The following AGXT variants were observed in gnomAD, a reference collection of about 807,000 sequenced individuals.
The protein encoded by AGXT is alanine--glyoxylate aminotransferase, also known as L-alanine: glyoxylate aminotransferase 1.
In AGXT, 41 loss-of-function variants were observed where a neutral mutation model predicts 46.9. The ratio of observed to expected loss-of-function variants is 0.88; its 90% CI spans 0.68 to 1.14. The LOEUF is 1.14. AGXT is among the 50% of genes most tolerant of loss of function. The pLI is 0.00. For missense variants in AGXT, 525 were observed against 522.7 expected, an observed-to-expected ratio of 1.00 and a Z score of -0.04; for synonymous variants, 244 against 227.9, an observed-to-expected ratio of 1.07 and a Z score of -0.64.
chr2:240,873,298 G>A, intron 5 of AGXT: 1 of 532,422 alleles, frequency 1.9e-6, no homozygotes. Flanking sequence ...TTCTGGTGGG[G>A]GACATTTGAG....
Position 240,869,318 on chromosome 2 carries a change from A to G in AGXT, c.314A>G (p.Asn105Ser), listed in dbSNP as rs760578234. Reference protein sequence around the residue: ...EPGDSFLVGANGIWGQRAVDI... With the variant: ...EPGDSFLVGASGIWGQRAVDI... Reference sequence around the variant, plus strand: ...GGGGACTCCTTCCTGGTTGGGGCCAATGGCATTTGGGGGCAGCGAGCCGTG... The same window carrying G: ...GGGGACTCCTTCCTGGTTGGGGCCAGTGGCATTTGGGGGCAGCGAGCCGTG... The change falls in exon 2 of 11, where the codon AAT (asparagine) becomes AGT (serine). Residue 105 changes from asparagine (N) to serine (S), a missense_variant. By Grantham distance (46) the Asn-to-Ser change is conservative (BLOSUM62 1). Coordinates refer to ENST00000307503, the MANE Select transcript of AGXT (RefSeq NM_000030.3). 2.5e-6 allele frequency: 4 copies of G among 1,611,148 alleles called. No homozygotes were observed. Among genetic ancestry groups the G allele is most frequent in the South Asian group, 2.2e-5 (2 of 90,970 alleles).
At chr2:240,872,731 C>T (rs998174100) in intron 4 of AGXT, among the ~76,000 whole-genome samples, 3 of 152,066 alleles carry the variant, frequency 2.0e-5, no homozygotes, top group Non-Finnish European at 4.4e-5. Context: ...TCACCAGGGC[C>T]GTGATGCTCC....
intron 3 of AGXT, 48 bp downstream of exon 3, chr2:240,870,756 G>A: frequency 6.5e-7 from 1 of 1,529,922 alleles, no homozygotes; most frequent in Non-Finnish European, 8.9e-7. Context: ...GTGGGAGTGG[G>A]CATGCTGGCT....
intron 7 of AGXT, 137 bp from the exon 8 acceptor site, chr2:240,875,798 G>A: frequency 1.0e-6 from 1 of 967,658 alleles, no homozygotes; most frequent in Non-Finnish European, 1.6e-6. Flanking sequence ...TCTGAACCCG[G>A]ACAGGACTCC....
chr2:240,869,737 T>G (rs1387524798), intron 2 of AGXT, among the ~76,000 whole-genome samples: 1 of 152,196 alleles, frequency 6.6e-6, no homozygotes, highest in African/African-American at 2.4e-5. Flanking sequence ...TTTCAGAAGC[T>G]GAAGCCTCCC....
In AGXT at chr2:240,876,056, G is replaced by A. The variant is rs12695032; in HGVS notation, c.846+52G>A. Reference sequence around the variant, plus strand: ...AGACAGGGCCACTGGCTGGATTGTCGAGGGCGCGGCCTGCAGAGAAGGAAC... The same window carrying A: ...AGACAGGGCCACTGGCTGGATTGTCAAGGGCGCGGCCTGCAGAGAAGGAAC... On this transcript the variant is annotated intron_variant, in intron 8 of 10. Coordinates refer to ENST00000307503, the MANE Select transcript of AGXT (RefSeq NM_000030.3). 836,472 of 1,593,468 alleles carry A rather than the reference G, an allele frequency of 0.52. 229,072 individuals carry two copies. The highest frequency in any genetic ancestry group is 0.57 in the Non-Finnish European group (666,245 of 1,164,596).
At chr2:240,873,336 G>A (rs2059001935) in intron 5 of AGXT, 2 of 444,912 alleles carry the variant, frequency 4.5e-6, no homozygotes, top group Non-Finnish European at 8.2e-6. Context: ...CAGAAGCAGT[G>A]GGAAGAGGAA....
At chr2:240,871,895 C>T (rs2058992874) in intron 4 of AGXT, among the ~76,000 whole-genome samples, 2 of 152,260 alleles carry the variant, frequency 1.3e-5, no homozygotes, top group African/African-American at 4.8e-5. Flanking sequence ...GCGGACAGAG[C>T]CCCTTGGGAC....
intron 8 of AGXT, among the ~76,000 whole-genome samples, chr2:240,876,505 G>A (rs2059025473): frequency 6.6e-6 from 1 of 152,204 alleles, no homozygotes; most frequent in Non-Finnish European, 1.5e-5. Context: ...CAGGACACAG[G>A]CGGCTGAGAG....
At chr2:240,873,884 T>TA in intron 5 of AGXT, 94 bp from the exon 6 acceptor site, 2 of 1,132,162 alleles carry the variant, frequency 1.8e-6, no homozygotes, top group Non-Finnish European at 2.7e-6. Context: ...GGTAGGGTCG[T>TA]AGCCTACCAG....
rs1449840528 is a variant in AGXT, at chr2:240,877,548, C to T, written c.858C>T (p.Asn286=). 6.5e-7 allele frequency: 1 copy of T among 1,549,086 alleles called. No homozygotes were observed. Among genetic ancestry groups the T allele is most frequent in the Non-Finnish European group, 8.7e-7 (1 of 1,145,792 alleles). Residue 286 remains asparagine (N), a synonymous_variant, in exon 9 of 11, where the codon AAC becomes AAT. Coordinates refer to ENST00000307503, the MANE Select transcript of AGXT (RefSeq NM_000030.3). Reference sequence around the variant, plus strand: ...CATCTCCCACACAGGGCCTGGAGAACAGCTGGCGCCAGCACCGCGAGGCCG... The same window carrying T: ...CATCTCCCACACAGGGCCTGGAGAATAGCTGGCGCCAGCACCGCGAGGCCG... ...LALIAEQGLE[N]SWRQHREAAA...
chr2:240,873,125 C>A, intron 5 of AGXT, 76 bp downstream of exon 5: 1 of 1,313,756 alleles, frequency 7.6e-7, no homozygotes, highest in Admixed American at 1.7e-5. Context: ...CTGCTGGAAG[C>A]GTGCGTCCAG....
At position 240,878,711 on chromosome 2, in the gene AGXT, C is replaced by A. The variant is rs759926026; in HGVS notation, c.1072-3C>A. On this transcript the variant is annotated splice_region_variant and splice_polypyrimidine_tract_variant and intron_variant, in intron 10 of 10. Coordinates refer to ENST00000307503, the MANE Select transcript of AGXT (RefSeq NM_000030.3). ...TGACGTCAGCCCGCCCTGTGCCCCCCAGGTGCTGCGGATCGGCCTGCTGGG... is the reference window on the plus strand; with the variant it reads ...TGACGTCAGCCCGCCCTGTGCCCCCAAGGTGCTGCGGATCGGCCTGCTGGG... The A allele has an allele frequency of 9.7e-6, 15 of 1,552,032 alleles. No homozygotes were observed. The South Asian group carries it at 1.8e-4, about 18-fold the overall frequency.
intron 8 of AGXT, 65 bp downstream of exon 8, chr2:240,876,069 G>A (rs2059023365): frequency 6.5e-7 from 1 of 1,548,808 alleles, no homozygotes; most frequent in Non-Finnish European, 8.9e-7. Context: ...GGCGCGGCCT[G>A]CAGAGAAGGA....
rs1254697843 is a variant in AGXT at position 240,870,633 on chromosome 2, C to A, written c.359-11C>A. On this transcript the variant is annotated splice_polypyrimidine_tract_variant and intron_variant, in intron 2 of 10. Transcript: ENST00000307503. ...GCGGGACACTCACGGCCCACTCTGTCCTGCACCCAGGAGCCCGAGTGCACC... is the reference window on the plus strand; with the variant it reads ...GCGGGACACTCACGGCCCACTCTGTACTGCACCCAGGAGCCCGAGTGCACC... 2 of 1,551,086 alleles carry A rather than the reference C, an allele frequency of 1.3e-6. No individual in the cohort carries two copies. Among genetic ancestry groups the A allele is most frequent in the South Asian group, 1.2e-5 (1 of 84,092 alleles).
chr2:240,873,571 C>G, intron 5 of AGXT: 1 of 297,716 alleles, frequency 3.4e-6, no homozygotes, highest in Non-Finnish European at 6.3e-6. Flanking sequence ...ACTGCGGTGC[C>G]TGCCCACCCA....
At chr2:240,876,114 C>A in intron 8 of AGXT, 110 bp downstream of exon 8, 2 of 1,309,968 alleles carry the variant, frequency 1.5e-6, no homozygotes, top group Non-Finnish European at 2.2e-6. Context: ...GGGAGCCTGC[C>A]AGAGAGAGGC....
At position 240,868,890 on chromosome 2, in the gene AGXT, AC is replaced by A. The variant is rs180177201; in HGVS notation, c.33del (p.Lys12ArgfsTer34). MASHKLLV[T>X]PPKALLKPLS... is the part of the protein sequence containing the mutation. ...CATGGCCTCTCACAAGCTGCTGGTG[AC>A]CCCCCCCAAGGCCCTGCTCAAGCCC... is the stretch of plus-strand genomic sequence containing the variant. On this transcript the variant is annotated frameshift_variant, in exon 1 of 11. Transcript: ENST00000307503. LOFTEE classifies it high-confidence loss of function. The A allele has an allele frequency of 7.5e-6, 12 of 1,610,482 alleles. No individual in the cohort carries two copies. The highest frequency in any genetic ancestry group is 6.7e-5 in the East Asian group (3 of 44,766).
At position 240,878,750 on chromosome 2, in the gene AGXT, C is replaced by T. The variant is rs372138644; in HGVS notation, c.1108C>T (p.Arg370Cys). The change falls in exon 11 of 11, where the codon CGC (arginine) becomes TGC (cysteine). Residue 370 changes from arginine (R) to cysteine (C), a missense_variant. Physicochemically the swap from Arg to Cys is radical, Grantham distance 180. Coordinates refer to ENST00000307503, the MANE Select transcript of AGXT (RefSeq NM_000030.3). ...CGGCCTGCTGGGCTGCAATGCCACC[C>T]GCGAGAATGTGGACCGCGTGACGGA... ...RIGLLGCNAT[R>C]ENVDRVTEAL... 1.6e-5 allele frequency: 25 copies of T among 1,584,316 alleles called. No homozygotes were observed. The highest frequency in any genetic ancestry group is 2.7e-5 in the African/African-American group (2 of 74,686).
Sources: gnomAD v4.1 joint callset for allele counts (sites outside exome capture counted in the v4.1 genomes callset) on GRCh38, gnomAD v4.1.1 for gene constraint, MANE v1.5 for transcripts, NCBI Gene and HGNC (gene_info 2026-07-23, HGNC 2026-07-21) for gene names.